The following CAVIN2 variants were observed in gnomAD, a reference collection of about 807,000 sequenced individuals.
CAVIN2 encodes the protein caveolae-associated protein 2.
CAVIN2 carries 13 observed loss-of-function variants against 11.7 expected under a neutral mutation model. The observed-to-expected ratio is 1.11, with a 90% CI of 0.72 to 1.77. CAVIN2 has a LOEUF of 1.77. CAVIN2 is among the 40% of genes most tolerant of loss of function. The probability of loss-of-function intolerance (pLI) is 0.00; values close to 1 mark genes in which losing one functional copy is unlikely to be tolerated. For missense variants in CAVIN2, 549 were observed against 542.9 expected (o/e 1.01, Z -0.11); for synonymous variants, 237 against 223.2 (o/e 1.06, Z -0.55).
intron 1 of CAVIN2, among the ~76,000 whole-genome samples, chr2:191,844,877 T>G (rs966917667): frequency 1.3e-5 from 2 of 152,200 alleles, no homozygotes; most frequent in African/African-American, 2.4e-5. Context: ...AATACTTTTT[T>G]CCTCCTCCTT....
At chr2:191,838,799 G>C (rs1012339439) in intron 1 of CAVIN2, among the ~76,000 whole-genome samples, 3 of 152,182 alleles carry the variant, frequency 2.0e-5, no homozygotes, top group Non-Finnish European at 4.4e-5. Flanking sequence ...GTGCATGTTG[G>C]GTGAGGTGGC....
At chr2:191,840,276 T>C (rs1690075203) in intron 1 of CAVIN2, among the ~76,000 whole-genome samples, 1 of 152,178 alleles carries the variant, frequency 6.6e-6, no homozygotes, top group African/African-American at 2.4e-5. Context: ...CCTAGTTACT[T>C]CTAGGTCTAC....
chr2:191,836,863 G>T, intron 1 of CAVIN2, 146 bp from the exon 2 acceptor site: 1 of 805,190 alleles, frequency 1.2e-6, no homozygotes, highest in Non-Finnish European at 1.9e-6. Context: ...AATAGGAAGA[G>T]TTAATTCTAA....
Position 191,836,002 on chromosome 2 carries a change from G to C in CAVIN2, c.1199C>G (p.Ala400Gly), listed in dbSNP as rs757952222. The C allele has an allele frequency of 1.2e-6, 2 of 1,614,076 alleles. No homozygotes were observed. The highest frequency in any genetic ancestry group is 1.7e-6 in the Non-Finnish European group (2 of 1,180,036). The change falls in exon 2 of 2, where the codon GCG becomes GGG. Residue 400 changes from alanine (A) to glycine (G), a missense_variant. Coordinates refer to ENST00000304141, the MANE Select transcript of CAVIN2 (RefSeq NM_004657.6). The stretch of plus-strand genomic sequence containing the variant: ...GCGCTCCGCCTCCTCGGATGTTAGC[G>C]CGTAGCTACCCTCATAGCGTACCTT... Reference protein sequence around the residue: ...AQKVRYEGSYALTSEEAERSD... With the variant: ...AQKVRYEGSYGLTSEEAERSD...
chr2:191,839,675 T>C (rs1054502253), intron 1 of CAVIN2, among the ~76,000 whole-genome samples: 4 of 152,336 alleles, frequency 2.6e-5, no homozygotes, highest in Non-Finnish European at 4.4e-5. Context: ...GTTGGATGTG[T>C]CTTTATGCAA....
chr2:191,835,851 T>C lies in CAVIN2; in HGVS notation c.*72A>G. 1 of 1,435,420 alleles carries C rather than the reference T, an allele frequency of 7.0e-7. No homozygotes were observed. Among genetic ancestry groups the C allele is most frequent in the Non-Finnish European group, 9.5e-7 (1 of 1,057,584 alleles). 88.9% of individuals were successfully genotyped at this position (1,435,420 alleles called of 1,614,324 possible). A position where few individuals can be genotyped will look rare whatever the true frequency, so the allele number is the denominator to read the frequency against. On this transcript the variant is annotated 3_prime_UTR_variant, in exon 2 of 2. Coordinates refer to ENST00000304141, the MANE Select transcript of CAVIN2 (RefSeq NM_004657.6). Reference sequence around the variant, plus strand: ...AGGAGTGGGTGAGTCGTGCTGGAGATGTGCAAGAGTTTGTTCTTCAGCCCT... The same window carrying C: ...AGGAGTGGGTGAGTCGTGCTGGAGACGTGCAAGAGTTTGTTCTTCAGCCCT...
In CAVIN2 at chr2:191,847,014, C is replaced by T. The variant is rs1394762180; in HGVS notation, c.-89G>A. The T allele has an allele frequency of 2.0e-6, 3 of 1,494,638 alleles. No individual in the cohort carries two copies. Among genetic ancestry groups the T allele is most frequent in the Non-Finnish European group, 2.7e-6 (3 of 1,126,042 alleles). The allele number at this position is 1,494,638 out of a possible 1,614,324, so 92.6% of individuals were successfully genotyped here. ...GGTGGTGAGGGTGTAGGATGAGGCC[C>T]GCTGGTTGGAGCTCAGGGCACCAGT... On this transcript the variant is annotated 5_prime_UTR_variant, in exon 1 of 2. Transcript: ENST00000304141.
chr2:191,843,620 T>C (rs1690125247), intron 1 of CAVIN2, among the ~76,000 whole-genome samples: 1 of 152,180 alleles, frequency 6.6e-6, no homozygotes, highest in Non-Finnish European at 1.5e-5. Context: ...ATAATGTTGA[T>C]TTCAACATGG....
At chr2:191,843,655 T>C (rs1690126326) in intron 1 of CAVIN2, among the ~76,000 whole-genome samples, 2 of 152,316 alleles carry the variant, frequency 1.3e-5, no homozygotes, top group South Asian at 4.1e-4. Flanking sequence ...TACATGGTTC[T>C]CTGTGTGTAG....
rs1241774438 is a variant in CAVIN2 at position 191,836,710 on chromosome 2, T to A, written c.491A>T (p.Asn164Ile). Residue 164 changes from asparagine to isoleucine, a missense_variant, in exon 2 of 2, where the codon AAT (asparagine) becomes ATT (isoleucine). Transcript: ENST00000304141. ...CACAAACACGCTGGCAGGGATCTCATTTTCCTCCTGAAAAGACGGACAATG... is the reference window on the plus strand; with the variant it reads ...CACAAACACGCTGGCAGGGATCTCAATTTCCTCCTGAAAAGACGGACAATG... The part of the protein sequence containing the change: ...HFKVLIFQEE[N>I]EIPASVFVKQ... The A allele has an allele frequency of 6.2e-7, 1 of 1,611,020 alleles. No individual in the cohort carries two copies. The highest frequency in any genetic ancestry group is 1.1e-5 in the South Asian group (1 of 90,918).
rs1225377871 is a variant in CAVIN2, at chr2:191,836,476, A to C, written c.725T>G (p.Leu242Arg). Residue 242 changes from leucine (L) to arginine (R), a missense_variant, in exon 2 of 2, where the codon CTC becomes CGC. Coordinates refer to ENST00000304141, the MANE Select transcript of CAVIN2 (RefSeq NM_004657.6). Reference sequence around the variant, plus strand: ...GTTCTGGCGAGAAAATGCTTTCTTGAGGCTATCCACTTTCTTCAGGCTGGA... The same window carrying C: ...GTTCTGGCGAGAAAATGCTTTCTTGCGGCTATCCACTTTCTTCAGGCTGGA... ...KRSSLKKVDS[L>R]KKAFSRQNIE... is the part of the protein sequence containing the mutation. 9 of 1,613,866 alleles carry C rather than the reference A, an allele frequency of 5.6e-6. No homozygotes were observed. The highest frequency in any genetic ancestry group is 5.9e-6 in the Non-Finnish European group (7 of 1,180,008).
chr2:191,834,575 T>G lies in CAVIN2; in HGVS notation c.*1348A>C, dbSNP rs1006817784. 2 of 152,196 alleles carry G rather than the reference T, an allele frequency of 1.3e-5. No individual in the cohort carries two copies. The highest frequency in any genetic ancestry group is 4.8e-5 in the African/African-American group (2 of 41,466). 9.4% of individuals were successfully genotyped at this position (152,196 alleles called of 1,614,324 possible). The stretch of plus-strand genomic sequence containing the variant: ...CTTCCTGGGCCAATTGTCTTTAAAC[T>G]ATAATTTAAGAAATCATTAGCATTT... On this transcript the variant is annotated 3_prime_UTR_variant, in exon 2 of 2. Transcript: ENST00000304141.
intron 1 of CAVIN2, among the ~76,000 whole-genome samples, chr2:191,840,649 C>A (rs1180659623): frequency 6.6e-6 from 1 of 152,210 alleles, no homozygotes; most frequent in African/African-American, 2.4e-5. Flanking sequence ...CACAGACAAA[C>A]TTGCTAACAT....
Position 191,846,690 on chromosome 2 carries a change from A to T in CAVIN2, c.236T>A (p.Met79Lys). The T allele has an allele frequency of 6.2e-7, 1 of 1,614,114 alleles. No individual in the cohort carries two copies. The highest frequency in any genetic ancestry group is 8.5e-7 in the Non-Finnish European group (1 of 1,180,024). ...LDAVQENQHK[M>K]EQRQISLEGS... Reference sequence around the variant, plus strand: ...CTCCAAACTGATCTGTCGCTGCTCCATCTTGTGCTGGTTCTCCTGCACAGC... The same window carrying T: ...CTCCAAACTGATCTGTCGCTGCTCCTTCTTGTGCTGGTTCTCCTGCACAGC... Residue 79 changes from methionine (M) to lysine (K), a missense_variant, in exon 1 of 2, where the codon ATG becomes AAG. Met to Lys is a moderately conservative substitution (Grantham distance 95). Transcript: ENST00000304141.
At position 191,836,111 on chromosome 2, in the gene CAVIN2, T is replaced by C; in HGVS notation, c.1090A>G (p.Ser364Gly). 1.2e-6 allele frequency: 2 copies of C among 1,614,104 alleles called. No homozygotes were observed. The highest frequency in any genetic ancestry group is 1.7e-6 in the Non-Finnish European group (2 of 1,180,018). The change falls in exon 2 of 2, where the codon AGT becomes GGT. Residue 364 changes from serine (S) to glycine (G), a missense_variant. Ser to Gly is a moderately conservative substitution (Grantham distance 56, BLOSUM62 0). Coordinates refer to ENST00000304141, the MANE Select transcript of CAVIN2 (RefSeq NM_004657.6). ...ATGTTGCTGTCCATCCCCGAGTTAC[T>C]CCCCCTGGAGGTCGCCTTCTCAGCA... ...EAAEKATSRG[S>G]NSGMDSNIDL...
At chr2:191,846,291 G>T in intron 1 of CAVIN2, 152 bp downstream of exon 1, 1 of 963,710 alleles carries the variant, frequency 1.0e-6, no homozygotes, top group Non-Finnish European at 1.5e-6. Flanking sequence ...TTTCACATTT[G>T]CTTTCCGCAG....
At chr2:191,839,981 T>A (rs1690071805) in intron 1 of CAVIN2, among the ~76,000 whole-genome samples, 1 of 152,174 alleles carries the variant, frequency 6.6e-6, no homozygotes, top group African/African-American at 2.4e-5. Flanking sequence ...AAGTAACTCT[T>A]ATGGTGGTGG....
In CAVIN2 at chr2:191,841,980, A is replaced by G. The variant is rs888529788; in HGVS notation, c.483+4463T>C. ...CTAATATCCCATATGGGAACATTGTAGCGTGATAGAAACATGGCGAGTTGT... is the reference window on the plus strand; with the variant it reads ...CTAATATCCCATATGGGAACATTGTGGCGTGATAGAAACATGGCGAGTTGT... On this transcript the variant is annotated intron_variant, in intron 1 of 1. Coordinates refer to ENST00000304141, the MANE Select transcript of CAVIN2 (RefSeq NM_004657.6). 4.6e-5 allele frequency among the ~76,000 whole-genome samples: 7 copies of G among 152,352 alleles called. 1 individual carries two copies. The highest frequency in any genetic ancestry group is 1.7e-4 in the African/African-American group (7 of 41,586).
chr2:191,842,248 T>C (rs1291380548), intron 1 of CAVIN2, among the ~76,000 whole-genome samples: 1 of 152,254 alleles, frequency 6.6e-6, no homozygotes, highest in Non-Finnish European at 1.5e-5. Context: ...CTAACCTTTC[T>C]ACTTTTTTCA....
Sources: allele counts gnomAD v4.1 joint callset (sites outside exome capture counted in the v4.1 genomes callset), GRCh38; gene constraint gnomAD v4.1.1; transcripts MANE v1.5; gene names NCBI Gene and HGNC (gene_info 2026-07-23, HGNC 2026-07-21).